Variants in ZNF664 observed in about 807,000 individuals in gnomAD.
ZNF664 encodes the protein zinc finger Organ of Corti 1.
ZNF664 carries 10 observed loss-of-function variants against 18.2 expected under a neutral mutation model. The observed-to-expected ratio is 0.55, with a 90% CI of 0.34 to 0.93. The LOEUF (loss-of-function observed/expected upper bound fraction) is 0.93, where lower values mean the gene tolerates loss of function less well. Ranked by LOEUF, ZNF664 falls within the 40% of genes least tolerant of loss-of-function variation. The pLI is 0.02. For missense variants in ZNF664, 193 were observed against 319.0 expected, an observed-to-expected ratio of 0.61 and a Z score of 3.01; for synonymous variants, 119 against 104.2, an observed-to-expected ratio of 1.14 and a Z score of -0.86.
intron 3 of ZNF664, among the ~76,000 whole-genome samples, chr12:123,997,048 TAAAGG>T (rs1171993010): frequency 5.9e-5 from 9 of 151,988 alleles, no homozygotes; most frequent in Non-Finnish European, 1.2e-4. Flanking sequence ...AAAACTCTTG[TAAAGG>T]AAAGGAAAAA....
At chr12:123,973,468 AAAAC>A in intron 1 of ZNF664, 116 bp downstream of exon 1, 7 of 655,670 alleles carry the variant, frequency 1.1e-5, no homozygotes, top group Non-Finnish European at 1.3e-5. Flanking sequence ...AAAGAAAAGA[AAAAC>A]AACCCATCCC....
chr12:124,006,541 T>C (rs1957075924), intron 3 of ZNF664, among the ~76,000 whole-genome samples: 1 of 152,240 alleles, frequency 6.6e-6, no homozygotes, highest in Non-Finnish European at 1.5e-5. Flanking sequence ...ATCAGTTCTT[T>C]ATTAGCTAGT....
At chr12:123,991,497 G>C (rs575942814) in intron 3 of ZNF664, among the ~76,000 whole-genome samples, 10 of 152,076 alleles carry the variant, frequency 6.6e-5, no homozygotes, top group Non-Finnish European at 1.3e-4. Context: ...TGACATTCTT[G>C]GCAAATGAAT....
At chr12:123,981,212 A>G (rs1338215235) in intron 2 of ZNF664, among the ~76,000 whole-genome samples, 1 of 152,156 alleles carries the variant, frequency 6.6e-6, no homozygotes, top group Non-Finnish European at 1.5e-5. Flanking sequence ...GATGGGGGGA[A>G]GTCAATGATA....
intron 2 of ZNF664, among the ~76,000 whole-genome samples, chr12:123,977,483 C>T (rs1219766611): frequency 2.9e-5 from 3 of 104,226 alleles, no homozygotes; most frequent in African/African-American, 1.2e-4. Context: ...AAAAAAAACC[C>T]TAAACAAGAA....
At chr12:123,984,157 A>T (rs1269112848) in intron 2 of ZNF664, among the ~76,000 whole-genome samples, 1 of 152,198 alleles carries the variant, frequency 6.6e-6, no homozygotes, top group African/African-American at 2.4e-5. Context: ...TTAGGAGCAG[A>T]GGAGAGGGGA....
At chr12:123,975,433 AAAAG>A (rs1339095148) in intron 2 of ZNF664, among the ~76,000 whole-genome samples, 43 of 151,502 alleles carry the variant, frequency 2.8e-4, no homozygotes, top group East Asian at 7.7e-4. Context: ...AAAAAAAAAA[AAAAG>A]AGAGAGAGAT....
intron 2 of ZNF664, among the ~76,000 whole-genome samples, chr12:123,984,723 G>A (rs1334891630): frequency 6.6e-6 from 1 of 152,042 alleles, no homozygotes; most frequent in Non-Finnish European, 1.5e-5. Context: ...GTGATTTTCA[G>A]TTTATCGTGG....
Position 124,011,720 on chromosome 12 carries a change from C to T in ZNF664, c.-425C>T, listed in dbSNP as rs1378587978. 9.9e-7 allele frequency: 1 copy of T among 1,008,520 alleles called. No individual in the cohort carries two copies. The highest frequency in any genetic ancestry group is 1.7e-5 in the African/African-American group (1 of 57,574). 62.5% of individuals were successfully genotyped at this position (1,008,520 alleles called of 1,614,324 possible). On this transcript the variant is annotated 5_prime_UTR_variant, in exon 5 of 5. Coordinates refer to ENST00000337815, the MANE Select transcript of ZNF664 (RefSeq NM_152437.3). ...TCGAGACCAGCCAGCAGTATCTCATCCTTCGATACAGGGGATATACTGTAC... is the reference window on the plus strand; with the variant it reads ...TCGAGACCAGCCAGCAGTATCTCATTCTTCGATACAGGGGATATACTGTAC...
chr12:123,979,237 T>C (rs1956731894), intron 2 of ZNF664, among the ~76,000 whole-genome samples: 1 of 152,148 alleles, frequency 6.6e-6, no homozygotes, highest in Admixed American at 6.5e-5. Context: ...AAAGAATAAA[T>C]AGAATTAACA....
At chr12:123,976,926 A>C (rs1254439768) in intron 2 of ZNF664, among the ~76,000 whole-genome samples, 1 of 152,074 alleles carries the variant, frequency 6.6e-6, no homozygotes, top group African/African-American at 2.4e-5. Flanking sequence ...TAAAAATACA[A>C]AAAATTAGCT....
In ZNF664 at chr12:124,014,491, A is replaced by C; in HGVS notation, c.*1561A>C. Reference sequence around the variant, plus strand: ...TTTAGAAGACCAAAAGTCCCCAATGACAGGAACAAAAGCAACCAATTTTTA... The same window carrying C: ...TTTAGAAGACCAAAAGTCCCCAATGCCAGGAACAAAAGCAACCAATTTTTA... On this transcript the variant is annotated 3_prime_UTR_variant, in exon 5 of 5. Transcript: ENST00000337815. 1.2e-5 allele frequency: 2 copies of C among 167,256 alleles called. No individual in the cohort carries two copies. 10.4% of individuals were successfully genotyped at this position (167,256 alleles called of 1,614,324 possible). A position where few individuals can be genotyped will look rare whatever the true frequency, so the allele number is the denominator to read the frequency against.
At chr12:123,983,716 A>G (rs1356920882) in intron 2 of ZNF664, among the ~76,000 whole-genome samples, 5 of 152,232 alleles carry the variant, frequency 3.3e-5, no homozygotes, top group Non-Finnish European at 7.3e-5. Context: ...TGTAGTTCAA[A>G]TATGTTTAGG....
chr12:123,999,333 A>T (rs532472795), intron 3 of ZNF664, among the ~76,000 whole-genome samples: 258 of 152,194 alleles, frequency 1.7e-3, no homozygotes, highest in African/African-American at 6.1e-3. Flanking sequence ...ATTCTGATAG[A>T]TCTGGTTCTG....
At chr12:123,997,704 T>G (rs552098467) in intron 3 of ZNF664, 1 of 152,326 alleles carries the variant, frequency 6.6e-6, no homozygotes, top group African/African-American at 2.4e-5. Context: ...CCAAATAAGG[T>G]CACATCCTGA....
chr12:123,994,873 A>G (rs1472048307), intron 3 of ZNF664, among the ~76,000 whole-genome samples: 1 of 152,208 alleles, frequency 6.6e-6, no homozygotes, highest in Non-Finnish European at 1.5e-5. Context: ...CTAGATGAAC[A>G]TTAATTAGCG....
rs1407056038 is a variant in ZNF664, at chr12:123,973,987, G to A, written c.-790G>A. On this transcript the variant is annotated 5_prime_UTR_variant, in exon 2 of 5. Coordinates refer to ENST00000337815, the MANE Select transcript of ZNF664 (RefSeq NM_152437.3). ...GCTGCTGCCGCCGGACGCCTCCATT[G>A]TTTGACCACAACAAGGGCCGGATTC... The A allele has an allele frequency of 8.1e-7, 1 of 1,231,850 alleles. No individual in the cohort carries two copies. The highest frequency in any genetic ancestry group is 4.2e-5 in the Admixed American group (1 of 23,710). The allele number at this position is 1,231,850 out of a possible 1,614,324, so 76.3% of individuals were successfully genotyped here. A position where few individuals can be genotyped will look rare whatever the true frequency, so the allele number is the denominator to read the frequency against.
At chr12:123,979,939 C>T (rs975188300) in intron 2 of ZNF664, among the ~76,000 whole-genome samples, 13 of 152,198 alleles carry the variant, frequency 8.5e-5, no homozygotes, top group South Asian at 2.1e-4. Flanking sequence ...CCGCCTTGGC[C>T]TCCCAAAGTG....
chr12:123,991,033 G>C (rs1465117155), intron 3 of ZNF664, among the ~76,000 whole-genome samples: 2 of 152,204 alleles, frequency 1.3e-5, no homozygotes, highest in East Asian at 3.8e-4. Flanking sequence ...ACTACAGTCA[G>C]ACAGCTATTT....
Sources: allele counts gnomAD v4.1 joint callset (sites outside exome capture counted in the v4.1 genomes callset), GRCh38; gene constraint gnomAD v4.1.1; transcripts MANE v1.5; gene names NCBI Gene and HGNC (gene_info 2026-07-23, HGNC 2026-07-21).